The following JCAD variants were observed in gnomAD, a reference collection of about 807,000 sequenced individuals.
JCAD encodes the protein junctional cadherin 5 associated.
A neutral mutation model predicts 98.0 loss-of-function variants in JCAD; 40 were observed. That is an observed-to-expected ratio of 0.41 (90% CI 0.32 to 0.53). The LOEUF is 0.53. Ranked by LOEUF, JCAD falls within the 20% of genes least tolerant of loss-of-function variation. JCAD has a pLI of 0.31. For missense variants in JCAD, 1,705 were observed against 1,738.1 expected, an observed-to-expected ratio of 0.98 and a Z score of 0.34; for synonymous variants, 691 against 682.3, an observed-to-expected ratio of 1.01 and a Z score of -0.20.
intron 2 of JCAD, among the ~76,000 whole-genome samples, chr10:30,036,265 G>T (rs1416093389): frequency 2.6e-5 from 4 of 152,074 alleles, no homozygotes; most frequent in African/African-American, 9.7e-5. Flanking sequence ...CCAACACGGT[G>T]AATGAAACCC....
intron 1 of JCAD, among the ~76,000 whole-genome samples, chr10:30,097,698 GT>G (rs1838396408): frequency 6.6e-6 from 1 of 152,088 alleles, no homozygotes; most frequent in Non-Finnish European, 1.5e-5. Flanking sequence ...GAAGTCGCAG[GT>G]TTGCAGTGAG....
chr10:30,069,387 C>T (rs77719950), intron 2 of JCAD, among the ~76,000 whole-genome samples: 9,600 of 145,052 alleles, frequency 0.066, 404 homozygotes, highest in East Asian at 0.23. Flanking sequence ...TGCTTGAGCC[C>T]AGAAGTTCAA....
intron 1 of JCAD, among the ~76,000 whole-genome samples, chr10:30,056,210 A>G (rs1425109849): frequency 6.6e-6 from 1 of 152,202 alleles, no homozygotes; most frequent in Non-Finnish European, 1.5e-5. Flanking sequence ...TCCACATGTA[A>G]AGATACCTTA....
At chr10:30,107,693 C>T (rs1438665490) in intron 1 of JCAD, among the ~76,000 whole-genome samples, 1 of 152,074 alleles carries the variant, frequency 6.6e-6, no homozygotes, top group Non-Finnish European at 1.5e-5. Context: ...TGAAGTCTTC[C>T]TTGCATGAGG....
chr10:30,036,517 C>T (rs1336732748), intron 2 of JCAD, among the ~76,000 whole-genome samples: 4 of 152,160 alleles, frequency 2.6e-5, no homozygotes, highest in Non-Finnish European at 5.9e-5. Context: ...CATTCCCCAT[C>T]TTCTCAGTGG....
At chr10:30,041,292 G>C (rs149329343) in intron 2 of JCAD, among the ~76,000 whole-genome samples, 265 of 152,262 alleles carry the variant, frequency 1.7e-3, no homozygotes, top group African/African-American at 6.2e-3. Flanking sequence ...CCTCAAGAAA[G>C]AGAGGCTTTG....
At chr10:30,024,324 T>A (rs77023190) in intron 3 of JCAD, among the ~76,000 whole-genome samples, 6,418 of 152,286 alleles carry the variant, frequency 0.042, 468 homozygotes, top group African/African-American at 0.15. Flanking sequence ...TCATCCTGAT[T>A]TTATAGATGA....
At position 30,014,270 on chromosome 10, in the gene JCAD, AGCTTCG is replaced by A. The variant is rs1836488304; in HGVS notation, c.*3607_*3612del. 1 of 152,224 alleles carries A rather than the reference AGCTTCG, an allele frequency of 6.6e-6. No individual in the cohort carries two copies. Among genetic ancestry groups the A allele is most frequent in the Non-Finnish European group, 1.5e-5 (1 of 68,056 alleles). 9.4% of individuals were successfully genotyped at this position (152,224 alleles called of 1,614,324 possible). A position where few individuals can be genotyped will look rare whatever the true frequency, so the allele number is the denominator to read the frequency against. ...ATGCAAAAATCCCCCAGCCTGCAAC[AGCTTCG>A]GCTTAAGAAACACACTCCCACCCCA... On this transcript the variant is annotated 3_prime_UTR_variant, in exon 4 of 4. Transcript: ENST00000375377.
intron 2 of JCAD, among the ~76,000 whole-genome samples, chr10:30,066,033 A>T (rs921904147): frequency 6.6e-6 from 1 of 152,200 alleles, no homozygotes; most frequent in Non-Finnish European, 1.5e-5. Flanking sequence ...AGAAGCAGGG[A>T]TGGAGCACAA....
upstream of JCAD, among the ~76,000 whole-genome samples, chr10:30,060,986 A>G (rs1462811219): frequency 6.6e-6 from 1 of 152,194 alleles, no homozygotes; most frequent in Admixed American, 6.5e-5. Context: ...TGAATGTTGT[A>G]TTGTGCATTA....
At chr10:30,098,766 A>G (rs1206050866) in intron 1 of JCAD, among the ~76,000 whole-genome samples, 2 of 152,170 alleles carry the variant, frequency 1.3e-5, no homozygotes, top group African/African-American at 2.4e-5. Flanking sequence ...TTACTGTCCA[A>G]TAACTTATTA....
chr10:30,039,989 T>C (rs549444826), intron 2 of JCAD, among the ~76,000 whole-genome samples: 1 of 152,352 alleles, frequency 6.6e-6, no homozygotes, highest in South Asian at 2.1e-4. Flanking sequence ...CATTTGGTAT[T>C]AACTCAATTA....
chr10:30,102,837 A>C (rs1048444294), intron 1 of JCAD, among the ~76,000 whole-genome samples: 1 of 136,630 alleles, frequency 7.3e-6, no homozygotes, highest in Non-Finnish European at 1.7e-5. Context: ...TCGTGGCAGA[A>C]GGCAAATGAA....
In JCAD at chr10:30,073,647, G is replaced by GTCCTTCCTTCCTTCCTTCCT. The variant is rs60380450; in HGVS notation, n.129-3846_129-3827dup. 3.5e-3 allele frequency among the ~76,000 whole-genome samples: 479 copies of GTCCTTCCTTCCTTCCTTCCT among 138,544 alleles called. 6 individuals are homozygous for GTCCTTCCTTCCTTCCTTCCT. The highest frequency in any genetic ancestry group is 0.011 in the Middle Eastern group (3 of 278). 90.9% of individuals were successfully genotyped at this position (138,544 alleles called of 152,430 possible). A position where few individuals can be genotyped will look rare whatever the true frequency, so the allele number is the denominator to read the frequency against. On this transcript the variant is annotated intron_variant and non_coding_transcript_variant, in intron 1 of 2. Coordinates refer to the JCAD transcript ENST00000465712. ...TTACAATGGACAGGATAGCAAGATT[G>GTCCTTCCTTCCTTCCTTCCT]TCCTTCCTTCCTTCCTTCCTTCCTT...
intron 1 of JCAD, among the ~76,000 whole-genome samples, chr10:30,094,736 G>A (rs567543142): frequency 2.9e-4 from 44 of 152,152 alleles, no homozygotes; most frequent in Non-Finnish European, 6.0e-4. Context: ...AAAACCAGCC[G>A]CCCACTCCTA....
At chr10:30,056,784 CTTCAA>C (rs1219356317) in intron 1 of JCAD, among the ~76,000 whole-genome samples, 1 of 152,188 alleles carries the variant, frequency 6.6e-6, no homozygotes, top group Admixed American at 6.5e-5. Context: ...AACAAGACAT[CTTCAA>C]TTCAAATCAA....
chr10:30,045,609 T>C (rs1837318754), intron 2 of JCAD, among the ~76,000 whole-genome samples: 2 of 152,164 alleles, frequency 1.3e-5, no homozygotes, highest in Non-Finnish European at 2.9e-5. Flanking sequence ...ACTAAGGTTA[T>C]CTGAACCCTC....
Position 30,047,729 on chromosome 10 carries a change from C to G in JCAD, c.84G>C (p.Lys28Asn), listed in dbSNP as rs762273028. The G allele has an allele frequency of 6.2e-6, 10 of 1,614,248 alleles. No homozygotes were observed. Among genetic ancestry groups the G allele is most frequent in the Non-Finnish European group, 8.5e-6 (10 of 1,180,048 alleles). ...DPPASREDNP[K>N]GRQAARTGTR... is the part of the protein sequence containing the mutation. ...TCCCAGTCCTCGCTGCCTGGCGCCC[C>G]TTGGGGTTATCCTCGCGTGATGCTG... The change falls in exon 2 of 4, where the codon AAG (lysine) becomes AAC (asparagine). Residue 28 changes from lysine to asparagine, a missense_variant. Lys to Asn is a moderately conservative substitution (Grantham distance 94). Coordinates refer to ENST00000375377, the MANE Select transcript of JCAD (RefSeq NM_020848.4).
chr10:30,105,772 C>A (rs991884109), intron 1 of JCAD, among the ~76,000 whole-genome samples: 5 of 152,186 alleles, frequency 3.3e-5, no homozygotes, highest in African/African-American at 1.2e-4. Context: ...TCAAAGCCTA[C>A]TGCCAATGTG....
Sources: allele counts gnomAD v4.1 joint callset (sites outside exome capture counted in the v4.1 genomes callset), GRCh38; gene constraint gnomAD v4.1.1; transcripts MANE v1.5; gene names NCBI Gene and HGNC (gene_info 2026-07-23, HGNC 2026-07-21).